The following KCND3 variants were observed in gnomAD, a reference collection of about 807,000 sequenced individuals.
KCND3 encodes the protein A-type voltage-gated potassium channel KCND3.
Under a neutral mutation model 51.1 loss-of-function variants are expected in KCND3, and 9 were observed. The ratio of observed to expected loss-of-function variants is 0.18; its 90% CI spans 0.11 to 0.31. The LOEUF is 0.31. KCND3 is among the 10% of genes least tolerant of loss of function. The pLI, the probability that KCND3 is intolerant of heterozygous loss-of-function variation, is 1.00. For synonymous variants in KCND3, 349 were observed against 368.0 expected (o/e 0.95, Z 0.59); for missense variants, 526 against 903.8 (o/e 0.58, Z 5.36).
chr1:111,976,507 T>C (rs1271278866), intron 2 of KCND3, among the ~76,000 whole-genome samples: 1 of 152,362 alleles, frequency 6.6e-6, no homozygotes, highest in South Asian at 2.1e-4. Context: ...ACGAACCTGT[T>C]TGAGTGAACA....
chr1:111,948,154 T>G (rs1343234734), intron 2 of KCND3, among the ~76,000 whole-genome samples: 2 of 152,188 alleles, frequency 1.3e-5, no homozygotes, highest in Non-Finnish European at 2.9e-5. Context: ...ACAGGGCAAA[T>G]GGGCCCCACC....
rs747784339 is a variant in KCND3 at position 111,780,766 on chromosome 1, A to C, written c.1295T>G (p.Val432Gly). ...TGCATTCGAACTGCCTGTTTTGGCC[A>C]CACGGATCCTGGCAAGGCGGGCCTT... The part of the protein sequence containing the change: ...QKKARLARIR[V>G]AKTGSSNAYL... Residue 432 changes from valine to glycine, a missense_variant, in exon 4 of 8, where the codon GTG (valine) becomes GGG (glycine). Coordinates refer to ENST00000302127, the MANE Select transcript of KCND3 (RefSeq NM_001378969.1). The surrounding 1 kb of genome is among the most constrained non-coding windows in gnomAD (Gnocchi z 4.2). 1 of 1,613,516 alleles carries C rather than the reference A, an allele frequency of 6.2e-7. No individual in the cohort carries two copies. Among genetic ancestry groups the C allele is most frequent in the Non-Finnish European group, 8.5e-7 (1 of 1,179,860 alleles).
intron 2 of KCND3, among the ~76,000 whole-genome samples, chr1:111,918,610 G>A (rs1270850968): frequency 6.6e-6 from 1 of 152,156 alleles, no homozygotes; most frequent in Admixed American, 6.5e-5. Flanking sequence ...ATTTGGGGAA[G>A]GGGAGAGGGG....
At chr1:111,986,221 G>A (rs1045365597) in intron 1 of KCND3, among the ~76,000 whole-genome samples, 1 of 152,214 alleles carries the variant, frequency 6.6e-6, no homozygotes, top group African/African-American at 2.4e-5. Flanking sequence ...TCTGGACACT[G>A]TCTGAGACAC....
chr1:111,911,573 A>C (rs10776738), intron 2 of KCND3, among the ~76,000 whole-genome samples: 27,934 of 152,198 alleles, frequency 0.18, 2,740 homozygotes, highest in Admixed American at 0.27. Context: ...AGCAGTGAAC[A>C]ACACAGACTT....
intron 2 of KCND3, among the ~76,000 whole-genome samples, chr1:111,871,843 A>G (rs1359531620): frequency 6.6e-6 from 1 of 152,160 alleles, no homozygotes; most frequent in Non-Finnish European, 1.5e-5. Flanking sequence ...CAGCAGGAGG[A>G]GAGAGCAGGT....
chr1:111,852,833 GC>G (rs1290659727), intron 2 of KCND3, among the ~76,000 whole-genome samples: 1 of 152,168 alleles, frequency 6.6e-6, no homozygotes, highest in African/African-American at 2.4e-5. Flanking sequence ...AGGCAGGTGG[GC>G]TTGCCTAGTG....
At chr1:111,979,869 C>T (rs184158595) in intron 2 of KCND3, among the ~76,000 whole-genome samples, 1 of 152,262 alleles carries the variant, frequency 6.6e-6, no homozygotes, top group Admixed American at 6.5e-5. Context: ...CTGTTTTCCT[C>T]CACATGGCTA....
intron 2 of KCND3, among the ~76,000 whole-genome samples, chr1:111,961,107 C>A (rs1336166379): frequency 2.6e-5 from 4 of 152,230 alleles, no homozygotes; most frequent in Non-Finnish European, 4.4e-5. Context: ...TACAGCCCAG[C>A]CTAGTTTGCT....
At chr1:111,788,250 C>T (rs1664691549) in intron 2 of KCND3, among the ~76,000 whole-genome samples, 1 of 152,242 alleles carries the variant, frequency 6.6e-6, no homozygotes, top group Non-Finnish European at 1.5e-5. Flanking sequence ...GCTGTGATTA[C>T]TCCTTCGGCT....
chr1:111,872,864 G>T (rs1668887513), intron 2 of KCND3, among the ~76,000 whole-genome samples: 1 of 152,156 alleles, frequency 6.6e-6, no homozygotes, highest in Non-Finnish European at 1.5e-5. Context: ...GTGGCTTTAG[G>T]GAGCATTCCT....
At chr1:111,876,921 C>T (rs17028907) in intron 2 of KCND3, among the ~76,000 whole-genome samples, 15,835 of 152,202 alleles carry the variant, frequency 0.1, 859 homozygotes, top group East Asian at 0.17. Flanking sequence ...CAGGGACCTT[C>T]GGCATCGTTC....
Position 111,780,335 on chromosome 1 carries a change from A to G in KCND3, c.1372-21T>C. 6.4e-7 allele frequency: 1 copy of G among 1,551,946 alleles called. No individual in the cohort carries two copies. The highest frequency in any genetic ancestry group is 8.7e-7 in the Non-Finnish European group (1 of 1,145,988). On this transcript the variant is annotated intron_variant, in intron 4 of 7. Coordinates refer to ENST00000302127, the MANE Select transcript of KCND3 (RefSeq NM_001378969.1). The surrounding 1 kb of genome is among the most constrained non-coding windows in gnomAD (Gnocchi z 4.2). ...GTGCCCTAGTAAAAAAAGAAGAGAG[A>G]TTGAGTAAAAAGCTGGTGGCTCTTC...
intron 2 of KCND3, among the ~76,000 whole-genome samples, chr1:111,942,397 C>T (rs1224606807): frequency 1.3e-5 from 2 of 152,228 alleles, no homozygotes; most frequent in African/African-American, 4.8e-5. Context: ...GACTGGGGCG[C>T]TGTGCCATAG....
intron 3 of KCND3, among the ~76,000 whole-genome samples, chr1:111,785,684 C>A (rs1433095496): frequency 6.6e-6 from 1 of 152,064 alleles, no homozygotes; most frequent in Non-Finnish European, 1.5e-5. Context: ...GCTTTCGTAA[C>A]CTTTATAGCT....
Position 111,775,797 on chromosome 1 carries a change from T to C in KCND3, c.*280A>G. On this transcript the variant is annotated 3_prime_UTR_variant, in exon 8 of 8. Transcript: ENST00000302127. ...CCAGGCCCTGTCCTGGCACATAGCCTATATCCCCCGGCCTATCCCCGACCC... is the reference window on the plus strand; with the variant it reads ...CCAGGCCCTGTCCTGGCACATAGCCCATATCCCCCGGCCTATCCCCGACCC... 2.0e-6 allele frequency: 1 copy of C among 498,020 alleles called. No homozygotes were observed. Among genetic ancestry groups the C allele is most frequent in the Non-Finnish European group, 3.7e-6 (1 of 271,296 alleles). 30.9% of individuals were successfully genotyped at this position (498,020 alleles called of 1,614,324 possible).
intron 2 of KCND3, among the ~76,000 whole-genome samples, chr1:111,876,349 C>T (rs989676786): frequency 2.2e-5 from 3 of 134,688 alleles, no homozygotes; most frequent in African/African-American, 5.5e-5. Context: ...CCCAGTGCGA[C>T]TCAGTGGCGT....
Position 111,780,335 on chromosome 1 carries a change from A to AT in KCND3, c.1372-22dup. The AT allele has an allele frequency of 6.4e-7, 1 of 1,551,946 alleles. No individual in the cohort carries two copies. The highest frequency in any genetic ancestry group is 1.2e-5 in the South Asian group (1 of 84,164). On this transcript the variant is annotated intron_variant, in intron 4 of 7. Coordinates refer to ENST00000302127, the MANE Select transcript of KCND3 (RefSeq NM_001378969.1). The surrounding 1 kb of genome is among the most constrained non-coding windows in gnomAD (Gnocchi z 4.2). The stretch of plus-strand genomic sequence containing the variant: ...GTGCCCTAGTAAAAAAAGAAGAGAG[A>AT]TTGAGTAAAAAGCTGGTGGCTCTTC...
chr1:111,903,314 C>A (rs1015553517), intron 2 of KCND3, among the ~76,000 whole-genome samples: 2 of 152,090 alleles, frequency 1.3e-5, no homozygotes, highest in Non-Finnish European at 2.9e-5. Flanking sequence ...AGGTGGGAGG[C>A]GGAGGAAGGT....
Sources: gnomAD v4.1 joint callset for allele counts (sites outside exome capture counted in the v4.1 genomes callset) on GRCh38, gnomAD v4.1.1 for gene constraint, Gnocchi (gnomAD v3.1) non-coding constraint, MANE v1.5 for transcripts, NCBI Gene and HGNC (gene_info 2026-07-23, HGNC 2026-07-21) for gene names.